Variants in DOCK3 observed in about 807,000 individuals in gnomAD.
DOCK3 encodes the protein dedicator of cytokinesis protein 3.
In DOCK3, 60 loss-of-function variants were observed where a neutral mutation model predicts 265.6. That is an observed-to-expected ratio of 0.23 (90% CI 0.18 to 0.28). The LOEUF (loss-of-function observed/expected upper bound fraction) is 0.28. Ranked by LOEUF, DOCK3 falls within the 10% of genes least tolerant of loss-of-function variation. The pLI, the probability that DOCK3 is intolerant of heterozygous loss-of-function variation, is 1.00. For synonymous variants in DOCK3, 881 were observed against 938.0 expected (o/e 0.94, Z 1.11); for missense variants, 1,981 against 2,594.3 (o/e 0.76, Z 5.14).
chr3:51,108,129 C>T (rs2083367144), intron 9 of DOCK3, among the ~76,000 whole-genome samples: 2 of 151,852 alleles, frequency 1.3e-5, no homozygotes, highest in African/African-American at 4.8e-5. Context: ...ACCTCCACCT[C>T]CTGGGTTCAA....
At chr3:50,809,067 C>CA (rs1268406172) in intron 2 of DOCK3, among the ~76,000 whole-genome samples, 7 of 151,942 alleles carry the variant, frequency 4.6e-5, no homozygotes, top group African/African-American at 1.7e-4. Context: ...TATAAAGATA[C>CA]AAAAAGCACT....
intron 2 of DOCK3, 117 bp from the exon 3 acceptor site, chr3:50,841,558 C>G (rs1049468929): frequency 3.2e-5 from 11 of 341,696 alleles, no homozygotes; most frequent in Non-Finnish European, 5.6e-5. Flanking sequence ...CCTAATAAAG[C>G]CACAGTGGGT....
At chr3:50,877,067 C>T in intron 3 of DOCK3, 1 of 223,704 alleles carries the variant, frequency 4.5e-6, no homozygotes. Flanking sequence ...CACTCCTGCT[C>T]TAAATCACTA....
intron 5 of DOCK3, among the ~76,000 whole-genome samples, chr3:51,035,168 A>G (rs188864470): frequency 2.8e-4 from 42 of 152,232 alleles, no homozygotes; most frequent in Admixed American, 2.6e-3. Context: ...CATTATTTCT[A>G]CAAATATTTT....
At chr3:50,910,120 A>G (rs1004040074) in intron 4 of DOCK3, among the ~76,000 whole-genome samples, 11 of 151,746 alleles carry the variant, frequency 7.2e-5, no homozygotes, top group South Asian at 4.2e-4. Context: ...CAGCTCTTAT[A>G]TTGTTTTTTC....
At chr3:51,159,840 ATT>A (rs1374182520) in intron 11 of DOCK3, among the ~76,000 whole-genome samples, 1 of 152,210 alleles carries the variant, frequency 6.6e-6, no homozygotes, top group African/African-American at 2.4e-5. Flanking sequence ...GCTCAGACTT[ATT>A]TCAAGTTTAT....
chr3:51,261,868 C>T (rs528295735), intron 23 of DOCK3, among the ~76,000 whole-genome samples: 10 of 152,318 alleles, frequency 6.6e-5, no homozygotes, highest in Admixed American at 6.5e-4. Flanking sequence ...CTCTAGATTC[C>T]TCCTCTGTGG....
intron 3 of DOCK3, among the ~76,000 whole-genome samples, chr3:50,888,559 C>A (rs531001884): frequency 2.4e-4 from 36 of 152,262 alleles, no homozygotes; most frequent in Middle Eastern, 3.4e-3. Flanking sequence ...CCAAGTCAAT[C>A]CTAAGCCGAA....
intron 32 of DOCK3, among the ~76,000 whole-genome samples, chr3:51,318,121 G>A (rs1446301553): frequency 6.6e-6 from 1 of 152,184 alleles, no homozygotes; most frequent in African/African-American, 2.4e-5. Context: ...GGCTATGCCT[G>A]TAATCCCAGC....
At chr3:51,182,057 A>T (rs558682870) in intron 12 of DOCK3, among the ~76,000 whole-genome samples, 199 of 152,212 alleles carry the variant, frequency 1.3e-3, no homozygotes, top group Non-Finnish European at 2.3e-3. Context: ...TGTTTTTTTA[A>T]CTCCCTGCTC....
chr3:51,077,809 G>A (rs540435086), intron 7 of DOCK3, among the ~76,000 whole-genome samples: 134 of 152,252 alleles, frequency 8.8e-4, no homozygotes, highest in African/African-American at 3.1e-3. Context: ...CATAAATGAA[G>A]TTCAGATAAA....
chr3:51,162,266 G>T (rs549498744), intron 12 of DOCK3, among the ~76,000 whole-genome samples: 1 of 152,224 alleles, frequency 6.6e-6, no homozygotes, highest in East Asian at 1.9e-4. Context: ...CATGAAATAA[G>T]CTTAATTCAC....
At position 51,018,241 on chromosome 3, in the gene DOCK3, A is replaced by G. The variant is rs138361483; in HGVS notation, c.316-46207A>G. The stretch of plus-strand genomic sequence containing the variant: ...ACTCTTGGTTTTGTCAGCCTTTTTC[A>G]TTTGTCCATTCTGCTGAGCAATTAC... On this transcript the variant is annotated intron_variant, in intron 5 of 52. Transcript: ENST00000266037. Among the ~76,000 whole-genome samples, 151 of 151,502 alleles carry G rather than the reference A, an allele frequency of 1.0e-3. 9 individuals are homozygous for G. Among genetic ancestry groups the G allele is most frequent in the African/African-American group, 3.4e-3 (139 of 41,106 alleles).
intron 3 of DOCK3, among the ~76,000 whole-genome samples, chr3:50,871,894 C>T (rs886680736): frequency 1.3e-5 from 2 of 152,200 alleles, no homozygotes; most frequent in African/African-American, 2.4e-5. Flanking sequence ...TAAATTATTT[C>T]GATCTCTTTG....
At chr3:50,965,847 A>G (rs1351445866) in intron 5 of DOCK3, among the ~76,000 whole-genome samples, 1 of 152,162 alleles carries the variant, frequency 6.6e-6, no homozygotes. Flanking sequence ...AAGGTGTACA[A>G]TGGATGATTG....
intron 22 of DOCK3, among the ~76,000 whole-genome samples, chr3:51,254,574 A>C (rs1284562097): frequency 2.0e-5 from 3 of 152,212 alleles, no homozygotes; most frequent in Non-Finnish European, 2.9e-5. Flanking sequence ...ATATATATTT[A>C]GGATAGTTAG....
At chr3:50,841,282 A>G (rs1026837149) in intron 2 of DOCK3, among the ~76,000 whole-genome samples, 1 of 152,172 alleles carries the variant, frequency 6.6e-6, no homozygotes, top group East Asian at 1.9e-4. Flanking sequence ...AGTATACTGT[A>G]TGGGAGATTG....
At chr3:51,079,396 G>C (rs2082152779) in intron 7 of DOCK3, among the ~76,000 whole-genome samples, 1 of 152,082 alleles carries the variant, frequency 6.6e-6, no homozygotes, top group African/African-American at 2.4e-5. Flanking sequence ...GCAGTGGTGT[G>C]ATCTGGGCTC....
intron 1 of DOCK3, among the ~76,000 whole-genome samples, chr3:50,723,776 C>G (rs974067049): frequency 1.1e-4 from 17 of 152,308 alleles, no homozygotes; most frequent in Admixed American, 1.1e-3. Flanking sequence ...CCATTCAGGA[C>G]ATACACATGA....
Sources: gnomAD v4.1 joint callset for allele counts (sites outside exome capture counted in the v4.1 genomes callset) on GRCh38, gnomAD v4.1.1 for gene constraint, MANE v1.5 for transcripts, NCBI Gene and HGNC (gene_info 2026-07-23, HGNC 2026-07-21) for gene names.